The following GOLGB1 variants were observed in gnomAD, a reference collection of about 807,000 sequenced individuals.
GOLGB1 encodes golgin subfamily B member 1.
GOLGB1 carries 174 observed loss-of-function variants against 336.9 expected under a neutral mutation model. The ratio of observed to expected loss-of-function variants is 0.52; its 90% CI spans 0.46 to 0.59. The LOEUF (loss-of-function observed/expected upper bound fraction) is 0.59, where lower values mean the gene tolerates loss of function less well. Ranked by LOEUF, GOLGB1 falls within the 20% of genes least tolerant of loss-of-function variation. The pLI is 0.00. For synonymous variants in GOLGB1, 1,208 were observed against 1,289.2 expected (o/e 0.94, Z 1.35); for missense variants, 3,331 against 3,645.3 (o/e 0.91, Z 2.22).
At chr3:121,730,075 G>A in intron 2 of GOLGB1, 58 bp from the exon 3 acceptor site, 4 of 1,233,634 alleles carry the variant, frequency 3.2e-6, no homozygotes, top group South Asian at 1.3e-5. Context: ...CTTCCCAACA[G>A]GAGTTTCTTC....
At position 121,695,001 on chromosome 3, in the gene GOLGB1, T is replaced by A; in HGVS notation, c.5522A>T (p.Asn1841Ile). ...CTGATCAATCTGCTGTAGGTAGTTA[T>A]TAATTTCATCATGTGAGCTGAAATC... ...SKDFSSHDEI[N>I]NYLQQIDQLK... The change falls in exon 13 of 22, where the codon AAT becomes ATT. Residue 1841 changes from asparagine to isoleucine, a missense_variant. Coordinates refer to ENST00000614479, the MANE Select transcript of GOLGB1 (RefSeq NM_001366282.2). The A allele has an allele frequency of 1.9e-6, 3 of 1,614,140 alleles. No homozygotes were observed. The highest frequency in any genetic ancestry group is 2.5e-6 in the Non-Finnish European group (3 of 1,179,976).
rs563874506 is a variant in GOLGB1, at chr3:121,728,192, A to G, written c.402+996T>C. 3.8e-4 allele frequency among the ~76,000 whole-genome samples: 58 copies of G among 152,276 alleles called. 1 individual carries two copies. The highest frequency in any genetic ancestry group is 1.3e-3 in the African/African-American group (54 of 41,576). The stretch of plus-strand genomic sequence containing the variant: ...TTTGAGAAGATTGAGAAAAGCTTTT[A>G]AAATAGGCTTCAAGAAGTTAAATAA... On this transcript the variant is annotated intron_variant, in intron 4 of 21. Transcript: ENST00000614479.
At position 121,695,924 on chromosome 3, in the gene GOLGB1, A is replaced by C; in HGVS notation, c.4599T>G (p.Ser1533=). ...CCGTATCTTTTTCTTTATTTTGAGC[A>C]GAAACTTGGCTTTCCACATCTGCCA... is the stretch of plus-strand genomic sequence containing the variant. ...KSLADVESQV[S]AQNKEKDTVL... Residue 1533 remains serine, a synonymous_variant, in exon 13 of 22, where the codon TCT becomes TCG. Coordinates refer to ENST00000614479, the MANE Select transcript of GOLGB1 (RefSeq NM_001366282.2). 1 of 1,613,622 alleles carries C rather than the reference A, an allele frequency of 6.2e-7. No individual in the cohort carries two copies.
chr3:121,671,352 C>G (rs1438334807), intron 17 of GOLGB1, among the ~76,000 whole-genome samples: 1 of 152,206 alleles, frequency 6.6e-6, no homozygotes, highest in Non-Finnish European at 1.5e-5. Context: ...GAAATGCAGT[C>G]ATCCCTTGTT....
At chr3:121,687,319 T>TA (rs1202085506) in intron 14 of GOLGB1, among the ~76,000 whole-genome samples, 1 of 152,178 alleles carries the variant, frequency 6.6e-6, no homozygotes, top group Non-Finnish European at 1.5e-5. Flanking sequence ...GGGGTTTGAA[T>TA]ACTAAGTCTA....
At position 121,695,604 on chromosome 3, in the gene GOLGB1, A is replaced by G. The variant is rs1399410959; in HGVS notation, c.4919T>C (p.Val1640Ala). The change falls in exon 13 of 22, where the codon GTG becomes GCG. Residue 1640 changes from valine to alanine, a missense_variant. Val to Ala is a moderately conservative substitution (Grantham distance 64). Coordinates refer to ENST00000614479, the MANE Select transcript of GOLGB1 (RefSeq NM_001366282.2). ...VSNEAERIQHVVEAVRQEKQE... is the reference protein window; with the variant it reads ...VSNEAERIQHAVEAVRQEKQE... ...TTTCTCTTGCCTCACAGCTTCCACCACATGCTGAATCCTTTCTGCTTCATT... is the reference window on the plus strand; with the variant it reads ...TTTCTCTTGCCTCACAGCTTCCACCGCATGCTGAATCCTTTCTGCTTCATT... 1 of 1,613,890 alleles carries G rather than the reference A, an allele frequency of 6.2e-7. No individual in the cohort carries two copies. The highest frequency in any genetic ancestry group is 8.5e-7 in the Non-Finnish European group (1 of 1,179,972).
Position 121,700,695 on chromosome 3 carries a change from T to C in GOLGB1, c.1520-810A>G, listed in dbSNP as rs183721345. On this transcript the variant is annotated intron_variant, in intron 11 of 21. Transcript: ENST00000614479. Reference sequence around the variant, plus strand: ...GTCTGTTTTCTCTTCTGCAAACTTATCAAGTTCATTCACACCTGAGAACAT... The same window carrying C: ...GTCTGTTTTCTCTTCTGCAAACTTACCAAGTTCATTCACACCTGAGAACAT... Among the ~76,000 whole-genome samples the C allele has an allele frequency of 4.6e-5, 7 of 152,202 alleles. No homozygotes were observed. The East Asian group carries it at 9.6e-4, about 21-fold the overall frequency.
chr3:121,675,985 G>T lies in GOLGB1; in HGVS notation c.9177+908C>A, dbSNP rs952655480. Among the ~76,000 whole-genome samples, 5 of 152,300 alleles carry T rather than the reference G, an allele frequency of 3.3e-5. No homozygotes were observed. In the East Asian group the frequency reaches 7.7e-4, roughly 23 times the overall value. ...ACTTCCGGAAATAGCTGATTTGCTGGAAGGGGAACTCCATGGGAGCTGCTC... is the reference window on the plus strand; with the variant it reads ...ACTTCCGGAAATAGCTGATTTGCTGTAAGGGGAACTCCATGGGAGCTGCTC... On this transcript the variant is annotated intron_variant, in intron 17 of 21. Transcript: ENST00000614479.
rs755704464 is a variant in GOLGB1 at position 121,691,296 on chromosome 3, T to G, written c.8068A>C (p.Lys2690Gln). Reference sequence around the variant, plus strand: ...ATCCCTGCATCATGATGAAGATGCTTTAATTCTTTCTTCAGTTTATCTTCA... The same window carrying G: ...ATCCCTGCATCATGATGAAGATGCTGTAATTCTTTCTTCAGTTTATCTTCA... The part of the protein sequence containing the change: ...EIEDKLKKEL[K>Q]HLHHDAGIMR... Residue 2690 changes from lysine to glutamine, a missense_variant, in exon 14 of 22, where the codon AAG becomes CAG. Coordinates refer to ENST00000614479, the MANE Select transcript of GOLGB1 (RefSeq NM_001366282.2). 6.2e-7 allele frequency: 1 copy of G among 1,613,404 alleles called. No homozygotes were observed. The highest frequency in any genetic ancestry group is 8.5e-7 in the Non-Finnish European group (1 of 1,179,832).
At chr3:121,735,040 A>T (rs1946384740) in intron 1 of GOLGB1, among the ~76,000 whole-genome samples, 1 of 152,260 alleles carries the variant, frequency 6.6e-6, no homozygotes, top group Non-Finnish European at 1.5e-5. Context: ...CTAAACATTA[A>T]AAGATATACA....
At chr3:121,699,197 C>T (rs1364788337) in intron 12 of GOLGB1, among the ~76,000 whole-genome samples, 1 of 152,158 alleles carries the variant, frequency 6.6e-6, no homozygotes, top group African/African-American at 2.4e-5. Flanking sequence ...ATATTCCTTA[C>T]ATAAGAAGCT....
intron 10 of GOLGB1, among the ~76,000 whole-genome samples, chr3:121,707,225 C>CAAAAAAAAAAAAAAAAAAA (rs554313106): frequency 4.3e-5 from 4 of 93,664 alleles, no homozygotes; most frequent in Non-Finnish European, 6.0e-5. Flanking sequence ...GACTCCATCT[C>CAAAAAAAAAAAAAAAAAAA]AAAAAAAAAA....
chr3:121,706,505 G>A (rs1207186155), intron 10 of GOLGB1, among the ~76,000 whole-genome samples: 1 of 152,002 alleles, frequency 6.6e-6, no homozygotes, highest in African/African-American at 2.4e-5. Context: ...GGGAGACTGA[G>A]GGGGTGGATT....
chr3:121,669,348 T>C lies in GOLGB1; in HGVS notation c.9185A>G (p.Gln3062Arg), dbSNP rs764518709. Reference protein sequence around the residue: ...RIQQLNSNFSQLLEEKNTLSI... With the variant: ...RIQQLNSNFSRLLEEKNTLSI... ...AAGGGTGTTTTTCTCTTCCAGTAGCTGAGAGAACTGAAACAGAGGCGAGGA... is the reference window on the plus strand; with the variant it reads ...AAGGGTGTTTTTCTCTTCCAGTAGCCGAGAGAACTGAAACAGAGGCGAGGA... Residue 3062 changes from glutamine to arginine, a missense_variant, in exon 18 of 22, where the codon CAG becomes CGG. Physicochemically the swap from Gln to Arg is conservative, Grantham distance 43 (BLOSUM62 1). Transcript: ENST00000614479. 6.2e-7 allele frequency: 1 copy of C among 1,613,434 alleles called. No homozygotes were observed. Among genetic ancestry groups the C allele is most frequent in the Non-Finnish European group, 8.5e-7 (1 of 1,179,482 alleles).
At chr3:121,676,770 T>C in intron 17 of GOLGB1, 123 bp downstream of exon 17, 1 of 833,344 alleles carries the variant, frequency 1.2e-6, no homozygotes, top group Non-Finnish European at 1.9e-6. Flanking sequence ...CTGAGAAAGG[T>C]GAAACTTCTG....
chr3:121,688,837 G>A (rs1321501908), intron 14 of GOLGB1, among the ~76,000 whole-genome samples: 3 of 128,582 alleles, frequency 2.3e-5, no homozygotes, highest in Non-Finnish European at 5.0e-5. Context: ...GCCCGGCCGC[G>A]ACCCCGTCTG....
chr3:121,683,168 C>G (rs1459754456), intron 14 of GOLGB1, among the ~76,000 whole-genome samples: 3 of 144,506 alleles, frequency 2.1e-5, no homozygotes, highest in African/African-American at 7.8e-5. Flanking sequence ...TCCCGAAGTG[C>G]TGGGATTACA....
At chr3:121,749,410 C>G (rs1489012945) in intron 1 of GOLGB1, among the ~76,000 whole-genome samples, 3 of 152,134 alleles carry the variant, frequency 2.0e-5, no homozygotes, top group Admixed American at 1.3e-4. Context: ...CGCAGGGTGA[C>G]CCCGAAGGCC....
chr3:121,730,987 AG>A lies in GOLGB1; in HGVS notation c.-2-15del, dbSNP rs772774548. On this transcript the variant is annotated splice_polypyrimidine_tract_variant and intron_variant, in intron 1 of 21. Coordinates refer to ENST00000614479, the MANE Select transcript of GOLGB1 (RefSeq NM_001366282.2). ...GGCTCAGCATTTCTGTAGGAAAAGA[AG>A]GGGGGAAAAAACCTAAGAATCAGCA... 6.2e-6 allele frequency: 10 copies of A among 1,607,406 alleles called. No homozygotes were observed. Among genetic ancestry groups the A allele is most frequent in the Non-Finnish European group, 8.5e-6 (10 of 1,178,074 alleles).
Sources: allele counts gnomAD v4.1 joint callset (sites outside exome capture counted in the v4.1 genomes callset), GRCh38; gene constraint gnomAD v4.1.1; transcripts MANE v1.5; gene names NCBI Gene and HGNC (gene_info 2026-07-23, HGNC 2026-07-21).